The following CEP128 variants were observed in gnomAD, a reference collection of about 807,000 sequenced individuals.
CEP128 encodes centrosomal protein 128.
CEP128 carries 132 observed loss-of-function variants against 156.7 expected under a neutral mutation model. The ratio of observed to expected loss-of-function variants is 0.84; its 90% confidence interval spans 0.73 to 0.97. CEP128 has a LOEUF of 0.97. Ranked by LOEUF, CEP128 falls within the 50% of genes least tolerant of loss-of-function variation. The pLI is 0.00. For missense variants in CEP128, 1,252 were observed against 1,281.9 expected (o/e 0.98, Z 0.36); for synonymous variants, 469 against 448.9 (o/e 1.04, Z -0.57).
intron 2 of CEP128, among the ~76,000 whole-genome samples, chr14:80,920,769 T>G (rs1184862854): frequency 1.3e-5 from 2 of 152,196 alleles, no homozygotes; most frequent in Non-Finnish European, 2.9e-5. Flanking sequence ...TTCTTTTAAA[T>G]GGTAATGTCT....
intron 19 of CEP128, among the ~76,000 whole-genome samples, chr14:80,649,020 A>G (rs1894780703): frequency 6.6e-6 from 1 of 152,162 alleles, no homozygotes; most frequent in Admixed American, 6.6e-5. Context: ...TAACTGATGT[A>G]AGAAATTACA....
At chr14:80,556,977 G>C (rs1242319254) in intron 21 of CEP128, among the ~76,000 whole-genome samples, 2 of 152,250 alleles carry the variant, frequency 1.3e-5, no homozygotes, top group East Asian at 3.9e-4. Context: ...TTGATCGTTA[G>C]CACTATTACT....
chr14:80,578,963 T>G (rs1375808743), intron 20 of CEP128, among the ~76,000 whole-genome samples: 1 of 152,198 alleles, frequency 6.6e-6, no homozygotes, highest in Non-Finnish European at 1.5e-5. Context: ...TGCATTCTAT[T>G]GCACTGGATG....
At chr14:80,617,217 A>ACCTTTTTTTTTTTTTTTTTTTTTTTTTT (rs1491470595) in intron 19 of CEP128, among the ~76,000 whole-genome samples, 1 of 43,140 alleles carries the variant, frequency 2.3e-5, no homozygotes, top group African/African-American at 7.1e-5. Context: ...TGTGAATATC[A>ACCTTTTTTTTTTTTTTTTTTTTTTTTTT]TCTTTTTTTT....
At chr14:80,656,175 T>C (rs1254944396) in intron 19 of CEP128, among the ~76,000 whole-genome samples, 1 of 150,592 alleles carries the variant, frequency 6.6e-6, no homozygotes, top group African/African-American at 2.4e-5. Context: ...GTTAATTTTC[T>C]ATAAGGATGT....
At chr14:80,908,799 A>C (rs750512523) in intron 4 of CEP128, among the ~76,000 whole-genome samples, 6 of 152,168 alleles carry the variant, frequency 3.9e-5, no homozygotes, top group Non-Finnish European at 8.8e-5. Context: ...TTCTAATAGA[A>C]AGTCAGGTTA....
chr14:80,495,839 G>T (rs562538756), downstream of CEP128, among the ~76,000 whole-genome samples: 54 of 152,168 alleles, frequency 3.5e-4, no homozygotes, highest in African/African-American at 1.3e-3. Context: ...TTTCTTCTCT[G>T]CTGGTTATTT....
At chr14:80,850,880 C>T (rs781099136) in intron 9 of CEP128, among the ~76,000 whole-genome samples, 12 of 151,960 alleles carry the variant, frequency 7.9e-5, no homozygotes, top group African/African-American at 2.4e-4. Flanking sequence ...ACCCACTATA[C>T]GAAAATGTTA....
In CEP128 at chr14:80,862,868, T is replaced by C; in HGVS notation, c.651A>G (p.Ser217=). The C allele has an allele frequency of 6.2e-7, 1 of 1,611,950 alleles. No homozygotes were observed. The highest frequency in any genetic ancestry group is 1.7e-4 in the Middle Eastern group (1 of 6,058). ...LNEAQKQEVV[S]DRVERRLQEL... is the part of the protein sequence containing the mutation. The stretch of plus-strand genomic sequence containing the variant: ...CCTGAAGCCGCCGCTCCACCCGATC[T>C]GAAACCTTAATAAGAATTCAGAGAA... The change falls in exon 9 of 25, where the codon TCA becomes TCG. Residue 217 remains serine, a synonymous_variant. Coordinates refer to ENST00000555265, the MANE Select transcript of CEP128 (RefSeq NM_152446.5).
intron 2 of CEP128, among the ~76,000 whole-genome samples, chr14:80,956,881 A>G (rs1383114316): frequency 1.3e-5 from 2 of 152,204 alleles, no homozygotes; most frequent in Non-Finnish European, 2.9e-5. Context: ...AATAACCTCC[A>G]AACAGTGTGG....
intron 21 of CEP128, among the ~76,000 whole-genome samples, chr14:80,538,684 C>G (rs544903450): frequency 1.3e-5 from 2 of 152,274 alleles, no homozygotes; most frequent in South Asian, 4.1e-4. Context: ...TAATTCAGCA[C>G]GCATATCATC....
At chr14:80,955,982 CTG>C (rs1594884664) in intron 2 of CEP128, 3 of 1,115,266 alleles carry the variant, frequency 2.7e-6, no homozygotes, top group African/African-American at 3.1e-5. Flanking sequence ...GAGTGAATGT[CTG>C]TGTGTGTAGA....
At chr14:80,573,497 A>C (rs908527815) in intron 20 of CEP128, among the ~76,000 whole-genome samples, 2 of 152,170 alleles carry the variant, frequency 1.3e-5, no homozygotes, top group African/African-American at 4.8e-5. Context: ...CGATATATTC[A>C]GACACAAGAA....
chr14:80,843,194 T>C (rs1016622203), intron 9 of CEP128, among the ~76,000 whole-genome samples: 1 of 152,040 alleles, frequency 6.6e-6, no homozygotes, highest in Non-Finnish European at 1.5e-5. Context: ...CTCCAAGATG[T>C]AGAACAAATA....
At chr14:80,745,360 T>C (rs919676101) in intron 18 of CEP128, among the ~76,000 whole-genome samples, 1 of 152,152 alleles carries the variant, frequency 6.6e-6, no homozygotes, top group Non-Finnish European at 1.5e-5. Context: ...CTTTATAAAT[T>C]ACCCAGTCTC....
intron 19 of CEP128, among the ~76,000 whole-genome samples, chr14:80,630,693 T>C (rs1893924255): frequency 6.6e-6 from 1 of 152,072 alleles, no homozygotes; most frequent in Non-Finnish European, 1.5e-5. Flanking sequence ...TAAGTTCATA[T>C]GATTTGTTTT....
At chr14:80,644,472 T>C (rs1894554722) in intron 19 of CEP128, among the ~76,000 whole-genome samples, 1 of 152,194 alleles carries the variant, frequency 6.6e-6, no homozygotes, top group South Asian at 2.1e-4. Context: ...AGGAGAAATA[T>C]ATTCCACTGA....
At chr14:80,846,605 T>C (rs1336208990) in intron 9 of CEP128, among the ~76,000 whole-genome samples, 3 of 152,082 alleles carry the variant, frequency 2.0e-5, no homozygotes, top group African/African-American at 2.4e-5. Flanking sequence ...ACATACATGG[T>C]AGAATTTTGG....
At chr14:80,507,789 T>C (rs1458664322) in intron 23 of CEP128, among the ~76,000 whole-genome samples, 4 of 152,178 alleles carry the variant, frequency 2.6e-5, no homozygotes, top group African/African-American at 2.4e-5. Flanking sequence ...AAGGATGAAT[T>C]AAACAAAGAT....
Sources: gnomAD v4.1 joint callset for allele counts (sites outside exome capture counted in the v4.1 genomes callset) on GRCh38, gnomAD v4.1.1 for gene constraint, MANE v1.5 for transcripts, NCBI Gene and HGNC (gene_info 2026-07-23, HGNC 2026-07-21) for gene names.